Variants in FERMT1 observed in about 807,000 individuals in gnomAD.
FERMT1 encodes the protein FERM domain containing kindlin 1.
In FERMT1, 60 loss-of-function variants were observed where a neutral mutation model predicts 85.3. That is an observed-to-expected ratio of 0.70 (90% CI 0.57 to 0.87). The LOEUF (loss-of-function observed/expected upper bound fraction) is 0.87, where lower values mean the gene tolerates loss of function less well. Ranked by LOEUF, FERMT1 falls within the 40% of genes least tolerant of loss-of-function variation. The pLI is 0.00. For missense variants in FERMT1, 701 were observed against 818.9 expected (o/e 0.86, Z 1.76); for synonymous variants, 275 against 301.1 (o/e 0.91, Z 0.90).
rs760520937 is a variant in FERMT1 at position 6,085,162 on chromosome 20, G to A, written c.1497C>T (p.Asn499=). The change falls in exon 12 of 15, where the codon AAC becomes AAT. Residue 499 remains asparagine, a synonymous_variant. Coordinates refer to ENST00000217289, the MANE Select transcript of FERMT1 (RefSeq NM_017671.5). ...GACTGGAAGCCACCTGAGATGCAGAGTTCCTGTTTTTCATCCTCAGAAATG... is the reference window on the plus strand; with the variant it reads ...GACTGGAAGCCACCTGAGATGCAGAATTCCTGTTTTTCATCCTCAGAAATG... ...ILSFLRMKNR[N]SASQVASSLE... 6.2e-7 allele frequency: 1 copy of A among 1,614,176 alleles called. No homozygotes were observed. The highest frequency in any genetic ancestry group is 8.5e-7 in the Non-Finnish European group (1 of 1,180,014).
intron 2 of FERMT1, among the ~76,000 whole-genome samples, chr20:6,117,584 C>T (rs1279222177): frequency 6.6e-6 from 1 of 152,216 alleles, no homozygotes; most frequent in African/African-American, 2.4e-5. Flanking sequence ...TAGGCACGCA[C>T]CACCATGCCC....
chr20:6,099,397 C>A (rs1982594576), intron 6 of FERMT1, among the ~76,000 whole-genome samples: 2 of 138,894 alleles, frequency 1.4e-5, no homozygotes, highest in African/African-American at 2.7e-5. Flanking sequence ...AAGAGTGAGA[C>A]TGTCTCGAAA....
chr20:6,077,263 G>A lies in FERMT1; in HGVS notation c.1944C>T (p.Gly648=), dbSNP rs570732725. ...ADCKIVHEYI[G]GYIFLSTRSK... ...AGCGGGTGGACAAGAAAATGTAGCC[G>A]CCAATGTACTCGTGCACAATCTTGC... Residue 648 remains glycine, a synonymous_variant, in exon 15 of 15, where the codon GGC becomes GGT. Coordinates refer to ENST00000217289, the MANE Select transcript of FERMT1 (RefSeq NM_017671.5). The A allele has an allele frequency of 3.0e-5, 49 of 1,614,160 alleles. No individual in the cohort carries two copies. The East Asian group carries it at 8.7e-4, about 29-fold the overall frequency.
At chr20:6,120,068 G>T (rs1983224720) in intron 1 of FERMT1, among the ~76,000 whole-genome samples, 1 of 151,726 alleles carries the variant, frequency 6.6e-6, no homozygotes, top group South Asian at 2.1e-4. Context: ...GTTTAAAAAG[G>T]ATGCCATTAA....
intron 5 of FERMT1, among the ~76,000 whole-genome samples, chr20:6,108,252 T>C (rs1462446312): frequency 6.6e-6 from 1 of 151,992 alleles, no homozygotes; most frequent in Non-Finnish European, 1.5e-5. Flanking sequence ...CCTGAAAAAG[T>C]GTAAAAAACA....
chr20:6,084,513 TATTA>T (rs1568654402), intron 12 of FERMT1, among the ~76,000 whole-genome samples: 1 of 152,304 alleles, frequency 6.6e-6, no homozygotes, highest in South Asian at 2.1e-4. Context: ...TAATTTTAAT[TATTA>T]ATTTGTGAGA....
At chr20:6,077,451 A>G (rs2123084683) in intron 14 of FERMT1, 105 bp from the exon 15 acceptor site, 3 of 1,034,548 alleles carry the variant, frequency 2.9e-6, no homozygotes, top group Non-Finnish European at 4.4e-6. Context: ...TGAGGTGGAT[A>G]ACAGATGGAT....
In FERMT1 at chr20:6,087,525, G is replaced by T. The variant is rs1203630914; in HGVS notation, c.1371+252C>A. The T allele has an allele frequency of 9.0e-6, 4 of 444,044 alleles. No individual in the cohort carries two copies. The East Asian group carries it at 2.2e-4, about 24-fold the overall frequency. The allele number at this position is 444,044 out of a possible 1,614,324, so 27.5% of individuals were successfully genotyped here. On this transcript the variant is annotated intron_variant, in intron 11 of 14. Transcript: ENST00000217289. Reference sequence around the variant, plus strand: ...GAGGTTTCACCATATTGGCCAGACTGGTCTTGAACTCCTGACCTCAGGTGA... The same window carrying T: ...GAGGTTTCACCATATTGGCCAGACTTGTCTTGAACTCCTGACCTCAGGTGA...
rs188548418 is a variant in FERMT1 at position 6,076,390 on chromosome 20, A to G, written c.*783T>C. 5 of 509,194 alleles carry G rather than the reference A, an allele frequency of 9.8e-6. No homozygotes were observed. Among genetic ancestry groups the G allele is most frequent in the African/African-American group, 7.7e-5 (4 of 51,894 alleles). The allele number at this position is 509,194 out of a possible 1,614,324, so 31.5% of individuals were successfully genotyped here. ...AGTGGAGACATGGATCTGGGTTGAG[A>G]AATGGGTTTTCCTGTCCCCCTGTGT... On this transcript the variant is annotated 3_prime_UTR_variant, in exon 15 of 15. Coordinates refer to ENST00000217289, the MANE Select transcript of FERMT1 (RefSeq NM_017671.5).
intron 13 of FERMT1, among the ~76,000 whole-genome samples, chr20:6,081,239 G>A (rs1280013928): frequency 6.6e-6 from 1 of 150,750 alleles, no homozygotes; most frequent in African/African-American, 2.4e-5. Flanking sequence ...TTGTGCCACT[G>A]TGACAGAGTG....
chr20:6,083,254 G>T (rs1038084188), intron 13 of FERMT1, among the ~76,000 whole-genome samples: 4 of 152,136 alleles, frequency 2.6e-5, no homozygotes, highest in Non-Finnish European at 5.9e-5. Flanking sequence ...AGTGCTAGGC[G>T]GGGATAACAA....
At chr20:6,098,280 A>G (rs555069507) in intron 6 of FERMT1, among the ~76,000 whole-genome samples, 2 of 152,312 alleles carry the variant, frequency 1.3e-5, no homozygotes, top group African/African-American at 4.8e-5. Context: ...AGGGATCCCC[A>G]TGCTGATCTG....
rs114523807 is a variant in FERMT1, at chr20:6,106,882, C to G, written c.849+650G>C. The stretch of plus-strand genomic sequence containing the variant: ...CCTTTAAACCTGACCTCTGACAACT[C>G]CTTTCCTTCCTCAGCATTAAGAACT... On this transcript the variant is annotated intron_variant, in intron 6 of 14. Transcript: ENST00000217289. 4.9e-3 allele frequency among the ~76,000 whole-genome samples: 753 copies of G among 152,188 alleles called. 5 individuals are homozygous for G. The highest frequency in any genetic ancestry group is 0.017 in the African/African-American group (686 of 41,528).
intron 14 of FERMT1, among the ~76,000 whole-genome samples, chr20:6,078,309 A>C (rs1480017784): frequency 2.0e-5 from 3 of 152,192 alleles, no homozygotes; most frequent in Non-Finnish European, 4.4e-5. Context: ...GATTTTACAA[A>C]TAAGCACCCA....
intron 14 of FERMT1, among the ~76,000 whole-genome samples, chr20:6,078,650 T>G (rs545893169): frequency 1.9e-3 from 272 of 141,202 alleles, no homozygotes; most frequent in Admixed American, 2.7e-3. Context: ...TTTTTTGTTT[T>G]TTTTTTTTTT....
At chr20:6,113,374 C>T (rs1485698950) in intron 3 of FERMT1, among the ~76,000 whole-genome samples, 1 of 152,188 alleles carries the variant, frequency 6.6e-6, no homozygotes, top group Non-Finnish European at 1.5e-5. Flanking sequence ...CCCTTCCTTG[C>T]TCCCTCTCCC....
intron 6 of FERMT1, among the ~76,000 whole-genome samples, chr20:6,103,334 A>G (rs1600440480): frequency 1.3e-5 from 2 of 152,320 alleles, no homozygotes; most frequent in Middle Eastern, 3.4e-3. Context: ...AGCTATGGAC[A>G]TTTAGGTGGT....
At chr20:6,091,311 C>T (rs1046121928) in intron 9 of FERMT1, among the ~76,000 whole-genome samples, 20 of 151,826 alleles carry the variant, frequency 1.3e-4, no homozygotes, top group African/African-American at 3.9e-4. Flanking sequence ...CTCACTGCAG[C>T]CTCTGTCTCT....
At chr20:6,088,115 A>G (rs1164219128) in intron 10 of FERMT1, among the ~76,000 whole-genome samples, 1 of 152,248 alleles carries the variant, frequency 6.6e-6, no homozygotes, top group Non-Finnish European at 1.5e-5. Flanking sequence ...TAAAAAGTCA[A>G]TTTAGTTCAT....
Sources: gnomAD v4.1 joint callset for allele counts (sites outside exome capture counted in the v4.1 genomes callset) on GRCh38, gnomAD v4.1.1 for gene constraint, MANE v1.5 for transcripts, NCBI Gene and HGNC (gene_info 2026-07-23, HGNC 2026-07-21) for gene names.